The following GRXCR1 variants were observed in gnomAD, a reference collection of about 807,000 sequenced individuals.
GRXCR1 encodes the protein glutaredoxin domain-containing cysteine-rich protein 1.
Under a neutral mutation model 27.3 loss-of-function variants are expected in GRXCR1, and 27 were observed. The observed-to-expected ratio is 0.99, with a 90% CI of 0.73 to 1.37. The LOEUF (loss-of-function observed/expected upper bound fraction) is 1.37. GRXCR1 is among the 40% of genes most tolerant of loss of function. The pLI, the probability that GRXCR1 is intolerant of heterozygous loss-of-function variation, is 0.00. For missense variants in GRXCR1, 379 were observed against 354.4 expected (o/e 1.07, Z -0.56); for synonymous variants, 122 against 131.1 (o/e 0.93, Z 0.47).
chr4:42,939,258 T>C (rs1004519677), intron 1 of GRXCR1, among the ~76,000 whole-genome samples: 16 of 152,098 alleles, frequency 1.1e-4, no homozygotes, highest in Non-Finnish European at 2.1e-4. Flanking sequence ...TTATTTTATT[T>C]GTAGCTATTG....
chr4:42,939,318 A>G (rs1747545693), intron 1 of GRXCR1, among the ~76,000 whole-genome samples: 1 of 148,716 alleles, frequency 6.7e-6, no homozygotes, highest in Admixed American at 6.6e-5. Flanking sequence ...CACTGTTGAC[A>G]TATAGAAATA....
chr4:43,010,053 C>T (rs1712691012), intron 2 of GRXCR1, among the ~76,000 whole-genome samples: 1 of 152,058 alleles, frequency 6.6e-6, no homozygotes, highest in African/African-American at 2.4e-5. Flanking sequence ...TGAACTCTCA[C>T]TTCATGGTTA....
intron 1 of GRXCR1, among the ~76,000 whole-genome samples, chr4:42,920,512 G>C (rs1160870271): frequency 6.6e-6 from 1 of 152,128 alleles, no homozygotes; most frequent in East Asian, 1.9e-4. Flanking sequence ...TGTATGGTAA[G>C]CATGCCTAGA....
intron 1 of GRXCR1, among the ~76,000 whole-genome samples, chr4:42,912,880 G>A (rs1331492659): frequency 6.6e-6 from 1 of 152,078 alleles, no homozygotes. Context: ...TGAATCATGG[G>A]AGCAGTTTCC....
In GRXCR1 at chr4:42,966,596, A is replaced by G. The variant is rs148400722; in HGVS notation, c.627+3462A>G. 1.8e-3 allele frequency among the ~76,000 whole-genome samples: 279 copies of G among 152,224 alleles called. 1 individual carries two copies. The highest frequency in any genetic ancestry group is 6.6e-3 in the African/African-American group (274 of 41,558). ...GAACACTCACAAAATTTCTCAGCAG[A>G]CATGGGTGCCCAAGGAAGCTTCTGC... On this transcript the variant is annotated intron_variant, in intron 2 of 3. Coordinates refer to ENST00000399770, the MANE Select transcript of GRXCR1 (RefSeq NM_001080476.3).
chr4:42,987,254 T>TATATA (rs1711791831), intron 2 of GRXCR1, among the ~76,000 whole-genome samples: 1 of 67,000 alleles, frequency 1.5e-5, no homozygotes, highest in African/African-American at 5.3e-5. Context: ...ATATAATATA[T>TATATA]ATATATAATA....
In GRXCR1 at chr4:42,995,480, GTCT is replaced by G. The variant is rs535075294; in HGVS notation, c.628-24869_628-24867del. 3.0e-3 allele frequency among the ~76,000 whole-genome samples: 452 copies of G among 152,184 alleles called. 4 individuals carry two copies. Among genetic ancestry groups the G allele is most frequent in the African/African-American group, 0.011 (439 of 41,522 alleles). On this transcript the variant is annotated intron_variant, in intron 2 of 3. Coordinates refer to ENST00000399770, the MANE Select transcript of GRXCR1 (RefSeq NM_001080476.3). ...AAAAGAAGCAGCAAATATTTTCCCT[GTCT>G]TCTTTGCTAGAAAGAGATAATTGCA...
At chr4:42,942,295 A>G (rs1293814958) in intron 1 of GRXCR1, among the ~76,000 whole-genome samples, 1 of 152,010 alleles carries the variant, frequency 6.6e-6, no homozygotes, top group Non-Finnish European at 1.5e-5. Flanking sequence ...TCAGATGAGT[A>G]TTTTTAAAGA....
At chr4:42,984,114 G>A (rs1456171627) in intron 2 of GRXCR1, among the ~76,000 whole-genome samples, 2 of 152,154 alleles carry the variant, frequency 1.3e-5, no homozygotes, top group Non-Finnish European at 2.9e-5. Flanking sequence ...GGGATTACAG[G>A]CATGAGCCAC....
At chr4:43,014,054 C>CAAAAAAA (rs3047831) in intron 2 of GRXCR1, among the ~76,000 whole-genome samples, 2 of 123,732 alleles carry the variant, frequency 1.6e-5, no homozygotes, top group Non-Finnish European at 1.8e-5. Context: ...TACATAATTG[C>CAAAAAAA]AAAAAAAAAA....
At chr4:42,893,746 C>T (rs939516185) in intron 1 of GRXCR1, 96 bp downstream of exon 1, 4 of 1,128,484 alleles carry the variant, frequency 3.5e-6, no homozygotes, top group Non-Finnish European at 5.3e-6. Context: ...CTCTTATTTG[C>T]AACTCCTACA....
chr4:42,917,202 G>A (rs1746905046), intron 1 of GRXCR1, among the ~76,000 whole-genome samples: 1 of 152,008 alleles, frequency 6.6e-6, no homozygotes, highest in African/African-American at 2.4e-5. Flanking sequence ...TTTATCAAGT[G>A]GAATCCTTGG....
intron 2 of GRXCR1, among the ~76,000 whole-genome samples, chr4:42,973,132 T>C (rs1025365329): frequency 5.9e-5 from 9 of 152,192 alleles, no homozygotes; most frequent in Non-Finnish European, 1.3e-4. Flanking sequence ...CACTTGTTGC[T>C]GAAGTTCTAT....
intron 1 of GRXCR1, among the ~76,000 whole-genome samples, chr4:42,922,014 C>T (rs1244626401): frequency 6.6e-6 from 1 of 152,126 alleles, no homozygotes; most frequent in Non-Finnish European, 1.5e-5. Context: ...TCTCTGTTGC[C>T]TGCCCCAACA....
chr4:43,024,793 G>C (rs1256211756), intron 3 of GRXCR1, among the ~76,000 whole-genome samples: 1 of 152,084 alleles, frequency 6.6e-6, no homozygotes, highest in Non-Finnish European at 1.5e-5. Flanking sequence ...TTTGAATCTA[G>C]TTTAAAACAA....
chr4:42,935,165 T>A (rs985523917), intron 1 of GRXCR1, among the ~76,000 whole-genome samples: 1 of 151,954 alleles, frequency 6.6e-6, no homozygotes, highest in African/African-American at 2.4e-5. Context: ...GAAAGACATA[T>A]TTTCTACTTT....
At chr4:42,903,555 G>A (rs10033544) in intron 1 of GRXCR1, among the ~76,000 whole-genome samples, 1,822 of 147,250 alleles carry the variant, frequency 0.012, 119 homozygotes, top group African/African-American at 0.035. Context: ...CTTGTGATCC[G>A]CCCGCCTTGG....
chr4:43,017,047 T>C (rs908643545), intron 2 of GRXCR1, among the ~76,000 whole-genome samples: 10 of 152,242 alleles, frequency 6.6e-5, no homozygotes, highest in Non-Finnish European at 1.2e-4. Context: ...TTTTCATGTA[T>C]TGAAGGGTAA....
At chr4:42,954,102 GA>G (rs1171161327) in intron 1 of GRXCR1, among the ~76,000 whole-genome samples, 1 of 152,028 alleles carries the variant, frequency 6.6e-6, no homozygotes, top group East Asian at 1.9e-4. Flanking sequence ...TAGTTCTAAT[GA>G]AAAAAACTAA....
Sources: gnomAD v4.1 joint callset for allele counts (sites outside exome capture counted in the v4.1 genomes callset) on GRCh38, gnomAD v4.1.1 for gene constraint, MANE v1.5 for transcripts, NCBI Gene and HGNC (gene_info 2026-07-23, HGNC 2026-07-21) for gene names.